SORD: variants seen among roughly 807,000 people sequenced by gnomAD.
SORD encodes (R,R)-butanediol dehydrogenase.
Under a neutral mutation model 35.6 loss-of-function variants are expected in SORD, and 18 were observed. The ratio of observed to expected loss-of-function variants is 0.51; its 90% CI spans 0.35 to 0.75. SORD has a LOEUF of 0.75. SORD is among the 30% of genes least tolerant of loss of function. The pLI is 0.01. For synonymous variants in SORD, 106 were observed against 152.9 expected (o/e 0.69, Z 2.26); for missense variants, 250 against 390.2 (o/e 0.64, Z 3.03).
chr15:45,059,578 C>G (rs1893269360), intron 3 of SORD, among the ~76,000 whole-genome samples: 1 of 152,194 alleles, frequency 6.6e-6, no homozygotes. Flanking sequence ...TCTGCAGCCT[C>G]AACCTCTTGG....
At chr15:45,053,027 T>G (rs562959302) in intron 3 of SORD, among the ~76,000 whole-genome samples, 1 of 152,288 alleles carries the variant, frequency 6.6e-6, no homozygotes, top group East Asian at 1.9e-4. Context: ...GAGAGAAAAT[T>G]GAGACAGAGC....
intron 1 of SORD, among the ~76,000 whole-genome samples, chr15:45,037,292 C>G (rs142048531): frequency 3.2e-4 from 49 of 152,336 alleles, no homozygotes; most frequent in Middle Eastern, 3.4e-3. Context: ...CTGTGTGGTA[C>G]GAGCACAGCT....
chr15:45,066,244 CAAA>C (rs36027648), intron 5 of SORD, among the ~76,000 whole-genome samples: 29 of 68,970 alleles, frequency 4.2e-4, no homozygotes, highest in African/African-American at 1.1e-3. Context: ...GATTCTGTCT[CAAA>C]AAAAAAAAAA....
At chr15:45,035,696 C>G (rs1158317123) in intron 1 of SORD, among the ~76,000 whole-genome samples, 1 of 152,224 alleles carries the variant, frequency 6.6e-6, no homozygotes, top group Non-Finnish European at 1.5e-5. Flanking sequence ...ACTGCTCACT[C>G]TTTGGGTACA....
intron 4 of SORD, among the ~76,000 whole-genome samples, chr15:45,061,864 G>A (rs759436126): frequency 5.9e-5 from 9 of 151,740 alleles, no homozygotes; most frequent in South Asian, 2.1e-4. Flanking sequence ...CCGAGACTCC[G>A]TCTCAAAAAG....
intron 1 of SORD, among the ~76,000 whole-genome samples, chr15:45,026,157 G>A (rs1892665337): frequency 6.6e-6 from 1 of 152,190 alleles, no homozygotes; most frequent in South Asian, 2.1e-4. Context: ...CACCTCCACA[G>A]TGCCCAACCC....
chr15:45,023,766 C>T (rs943581345), intron 1 of SORD, among the ~76,000 whole-genome samples: 4 of 152,242 alleles, frequency 2.6e-5, no homozygotes, highest in Admixed American at 6.5e-5. Flanking sequence ...TTAGAAACAG[C>T]AGAACTTGTA....
At chr15:45,065,536 A>G in intron 5 of SORD, 147 bp downstream of exon 5, 3 of 1,345,940 alleles carry the variant, frequency 2.2e-6, no homozygotes, top group Non-Finnish European at 3.0e-6. Flanking sequence ...TCCCTCAGTG[A>G]CTAGCACTTT....
At chr15:45,059,402 G>A (rs1003750951) in intron 3 of SORD, among the ~76,000 whole-genome samples, 16 of 151,970 alleles carry the variant, frequency 1.1e-4, no homozygotes, top group African/African-American at 3.9e-4. Flanking sequence ...TGAGAAAACT[G>A]GAAACAACCA....
chr15:45,043,801 G>A (rs1353968065), intron 3 of SORD, among the ~76,000 whole-genome samples: 1 of 148,804 alleles, frequency 6.7e-6, no homozygotes, highest in African/African-American at 2.5e-5. Context: ...CCACGGCCTT[G>A]GATATAATGT....
chr15:45,061,276 T>A (rs747652964), intron 4 of SORD, 50 bp downstream of exon 4: 2 of 1,589,788 alleles, frequency 1.3e-6, no homozygotes, highest in Non-Finnish European at 1.7e-6. Context: ...TTCCCTTCAT[T>A]AGCTTGGTGC....
rs569585519 is a variant in SORD, at chr15:45,072,645, G to A, written c.908+207G>A. ...TGGGAGGAACAGAAGGATGGATGGAGGGAGGGAAGGAGGGGATTTTGAAGC... is the reference window on the plus strand; with the variant it reads ...TGGGAGGAACAGAAGGATGGATGGAAGGAGGGAAGGAGGGGATTTTGAAGC... On this transcript the variant is annotated intron_variant, in intron 8 of 8. Transcript: ENST00000267814. Among the ~76,000 whole-genome samples the A allele has an allele frequency of 1.3e-3, 186 of 147,512 alleles. 19 individuals are homozygous for A. Among genetic ancestry groups the A allele is most frequent in the African/African-American group, 4.5e-3 (169 of 37,438 alleles).
At chr15:45,034,281 A>C (rs1461023229) in intron 1 of SORD, among the ~76,000 whole-genome samples, 5 of 152,080 alleles carry the variant, frequency 3.3e-5, no homozygotes, top group Admixed American at 2.0e-4. Flanking sequence ...CCTGGGTTGC[A>C]TGTTGACAGG....
intron 3 of SORD, among the ~76,000 whole-genome samples, chr15:45,049,810 A>G (rs996973762): frequency 5.9e-5 from 9 of 152,228 alleles, no homozygotes; most frequent in Non-Finnish European, 1.3e-4. Flanking sequence ...TGGTTAGTCT[A>G]AAATGTAGGC....
At chr15:45,061,369 T>A in intron 4 of SORD, 143 bp downstream of exon 4, 4 of 886,788 alleles carry the variant, frequency 4.5e-6, no homozygotes, top group Non-Finnish European at 6.8e-6. Context: ...CTCTTCTTGG[T>A]GGCATTGAGA....
Position 45,023,234 on chromosome 15 carries a change from A to C in SORD, c.-50A>C. 6.8e-7 allele frequency: 1 copy of C among 1,478,598 alleles called. No homozygotes were observed. The highest frequency in any genetic ancestry group is 1.4e-5 in the African/African-American group (1 of 70,874). 91.6% of individuals were successfully genotyped at this position (1,478,598 alleles called of 1,614,324 possible). On this transcript the variant is annotated 5_prime_UTR_variant, in exon 1 of 9. Transcript: ENST00000267814. ...TCGGCTGGGTAGCGCCACCAGAGCG[A>C]CCAAACGTCCCGCGCCTTCCAGGCC... is the stretch of plus-strand genomic sequence containing the variant.
intron 3 of SORD, among the ~76,000 whole-genome samples, chr15:45,052,855 A>G (rs977637326): frequency 1.3e-5 from 2 of 152,182 alleles, no homozygotes; most frequent in Non-Finnish European, 2.9e-5. Context: ...GGCAGCCTGC[A>G]TGAAGTCTGT....
chr15:45,061,238 C>T lies in SORD; in HGVS notation c.425+12C>T, dbSNP rs1164846098. 7 of 1,613,938 alleles carry T rather than the reference C, an allele frequency of 4.3e-6. No homozygotes were observed. The highest frequency in any genetic ancestry group is 3.3e-5 in the Admixed American group (2 of 60,026). On this transcript the variant is annotated intron_variant, in intron 4 of 8. Coordinates refer to ENST00000267814, the MANE Select transcript of SORD (RefSeq NM_003104.6). ...GCCTTTTGTTACAAGTTAGTGTCCA[C>T]AGTCCCACTGGGTCACCTGGGACCT... is the stretch of plus-strand genomic sequence containing the variant.
rs1054616287 is a variant in SORD at position 45,046,887 on chromosome 15, A to G, written c.265+3466A>G. Among the ~76,000 whole-genome samples, 7 of 152,224 alleles carry G rather than the reference A, an allele frequency of 4.6e-5. No homozygotes were observed. The East Asian group carries it at 5.8e-4, about 13-fold the overall frequency. On this transcript the variant is annotated intron_variant, in intron 3 of 8. Transcript: ENST00000267814. ...ACAAAAATTAGCCAGACGTGGTGGC[A>G]TGCATCTGTAATCCCAGCTATTCAG...
Sources: gnomAD v4.1 joint callset for allele counts (sites outside exome capture counted in the v4.1 genomes callset) on GRCh38, gnomAD v4.1.1 for gene constraint, MANE v1.5 for transcripts, NCBI Gene and HGNC (gene_info 2026-07-23, HGNC 2026-07-21) for gene names.